Variants in BRAF observed in about 807,000 individuals in gnomAD.
The protein encoded by BRAF is serine/threonine-protein kinase B-raf.
BRAF carries 16 observed loss-of-function variants against 104.6 expected under a neutral mutation model. The observed-to-expected ratio is 0.15, with a 90% confidence interval of 0.10 to 0.23. The LOEUF is 0.23. BRAF is among the 10% of genes least tolerant of loss of function. BRAF has a pLI of 1.00. For synonymous variants in BRAF, 310 were observed against 341.6 expected, an observed-to-expected ratio of 0.91 and a Z score of 1.02; for missense variants, 541 against 937.3, an observed-to-expected ratio of 0.58 and a Z score of 5.52.
At chr7:140,716,374 G>A (rs561884191), downstream of BRAF, among the ~76,000 whole-genome samples, 4 of 152,166 alleles carry the variant, frequency 2.6e-5, no homozygotes, top group Non-Finnish European at 5.9e-5. Context: ...GAGTTAGTTA[G>A]GTAAAGCTCT....
intron 3 of BRAF, among the ~76,000 whole-genome samples, chr7:140,816,592 A>G (rs1468661215): frequency 6.6e-6 from 1 of 152,088 alleles, no homozygotes; most frequent in Non-Finnish European, 1.5e-5. Flanking sequence ...CCATTCCTGT[A>G]CCTTGGATAC....
At chr7:140,834,222 C>A in intron 3 of BRAF, 1 of 299,386 alleles carries the variant, frequency 3.3e-6, no homozygotes, top group Non-Finnish European at 6.2e-6. Flanking sequence ...ATCAATCACA[C>A]TGAACGTTCA....
chr7:140,894,035 G>A (rs753019203), intron 1 of BRAF, among the ~76,000 whole-genome samples: 5 of 152,100 alleles, frequency 3.3e-5, no homozygotes, highest in Non-Finnish European at 7.4e-5. Flanking sequence ...TTGAGAGGCC[G>A]AGATGGGAGG....
rs1796764800 is a variant in BRAF at position 140,739,900 on chromosome 7, T to C, written c.2159A>G (p.Lys720Arg). The stretch of plus-strand genomic sequence containing the variant: ...GGCTTTTGGACAGTTACTCCGTACC[T>C]TACTGAGATCTGGAGACAGGTATCC... ...GRGYLSPDLS[K>R]VRSNCPKAMK... is the part of the protein sequence containing the mutation. The change falls in exon 18 of 20, where the codon AAG becomes AGG. Residue 720 changes from lysine to arginine, a missense_variant. Lys to Arg is a conservative substitution (Grantham distance 26, BLOSUM62 2). Transcript: ENST00000644969. The C allele has an allele frequency of 1.9e-6, 3 of 1,613,672 alleles. No individual in the cohort carries two copies. In the African/African-American group the frequency reaches 4.0e-5, roughly 22 times the overall value.
chr7:140,773,111 G>A (rs1800006972), intron 14 of BRAF, among the ~76,000 whole-genome samples: 1 of 152,114 alleles, frequency 6.6e-6, no homozygotes, highest in South Asian at 2.1e-4. Flanking sequence ...TTGGAGGTGG[G>A]GTGAGGCAGG....
At chr7:140,863,077 T>C (rs1007006060) in intron 1 of BRAF, among the ~76,000 whole-genome samples, 1 of 152,136 alleles carries the variant, frequency 6.6e-6, no homozygotes, top group African/African-American at 2.4e-5. Context: ...TCTTTTGACC[T>C]AGCAATTCCA....
Position 140,725,174 on chromosome 7 carries a change from A to T in BRAF, c.*1320T>A. 2 of 1,042,872 alleles carry T rather than the reference A, an allele frequency of 1.9e-6. No individual in the cohort carries two copies. The highest frequency in any genetic ancestry group is 2.3e-6 in the Non-Finnish European group (2 of 865,086). 64.6% of individuals were successfully genotyped at this position (1,042,872 alleles called of 1,614,324 possible). On this transcript the variant is annotated 3_prime_UTR_variant, in exon 20 of 20. Coordinates refer to ENST00000644969, the MANE Select transcript of BRAF (RefSeq NM_001374258.1). Reference sequence around the variant, plus strand: ...CGCCACCATTTTTATTTTAGGTTGCATATTCTAGATAAAAGACTAGAAAGA... The same window carrying T: ...CGCCACCATTTTTATTTTAGGTTGCTTATTCTAGATAAAAGACTAGAAAGA...
rs759427443 is a variant in BRAF at position 140,719,450 on chromosome 7, T to A, written c.*7044A>T. The stretch of plus-strand genomic sequence containing the variant: ...TAAATAACTTTACACAGAAATAAAT[T>A]TCTTCAATCTGAATTTCAGCTATCT... On this transcript the variant is annotated 3_prime_UTR_variant, in exon 20 of 20. Transcript: ENST00000644969. 7 of 1,013,568 alleles carry A rather than the reference T, an allele frequency of 6.9e-6. No homozygotes were observed. The highest frequency in any genetic ancestry group is 8.3e-6 in the Non-Finnish European group (7 of 839,774). The allele number at this position is 1,013,568 out of a possible 1,614,324, so 62.8% of individuals were successfully genotyped here. A position where few individuals can be genotyped will look rare whatever the true frequency, so the allele number is the denominator to read the frequency against.
intron 3 of BRAF, among the ~76,000 whole-genome samples, chr7:140,831,575 CTTG>C (rs963383495): frequency 4.6e-5 from 7 of 152,120 alleles, no homozygotes; most frequent in Admixed American, 3.3e-4. Flanking sequence ...ACAGGATCCC[CTTG>C]TTGTACAACT....
chr7:140,733,586 T>A (rs1796149699), intron 19 of BRAF: 1 of 152,212 alleles, frequency 6.6e-6, no homozygotes, highest in Non-Finnish European at 1.5e-5. Flanking sequence ...AGAAGAGCAT[T>A]CATTCATCAT....
chr7:140,899,505 C>A (rs1815356716), intron 1 of BRAF, among the ~76,000 whole-genome samples: 1 of 152,196 alleles, frequency 6.6e-6, no homozygotes, highest in African/African-American at 2.4e-5. Context: ...GCCTCACCAA[C>A]ATTTAATATT....
Position 140,726,420 on chromosome 7 carries a change from A to G in BRAF, c.*74T>C. 6.5e-7 allele frequency: 1 copy of G among 1,529,072 alleles called. No homozygotes were observed. Among genetic ancestry groups the G allele is most frequent in the Non-Finnish European group, 8.7e-7 (1 of 1,144,930 alleles). 94.7% of individuals were successfully genotyped at this position (1,529,072 alleles called of 1,614,324 possible). A position where few individuals can be genotyped will look rare whatever the true frequency, so the allele number is the denominator to read the frequency against. On this transcript the variant is annotated 3_prime_UTR_variant, in exon 20 of 20. Transcript: ENST00000644969. Reference sequence around the variant, plus strand: ...TTTAAAAAAAGATTTGAGGAACAGAACTGTGTTTTGATGTTAACAAATTGT... The same window carrying G: ...TTTAAAAAAAGATTTGAGGAACAGAGCTGTGTTTTGATGTTAACAAATTGT...
chr7:140,871,837 G>T (rs1811628750), intron 1 of BRAF, among the ~76,000 whole-genome samples: 1 of 152,094 alleles, frequency 6.6e-6, no homozygotes, highest in African/African-American at 2.4e-5. Flanking sequence ...GCAGCTACTG[G>T]CTAATATACT....
At chr7:140,887,369 C>T (rs10251793) in intron 1 of BRAF, among the ~76,000 whole-genome samples, 45,658 of 152,070 alleles carry the variant, frequency 0.3, 10,950 homozygotes, top group African/African-American at 0.67. Flanking sequence ...GTAAAATGAA[C>T]ATTCATTCTC....
chr7:140,737,360 C>T (rs565452655), intron 18 of BRAF, among the ~76,000 whole-genome samples: 1 of 152,244 alleles, frequency 6.6e-6, no homozygotes, highest in South Asian at 2.1e-4. Context: ...TATTACCAAC[C>T]TGAGAGGCGA....
chr7:140,854,298 C>T (rs182737727), intron 1 of BRAF, among the ~76,000 whole-genome samples: 1 of 152,288 alleles, frequency 6.6e-6, no homozygotes, highest in East Asian at 1.9e-4. Context: ...TGTCTATTAG[C>T]TACTTTAAGA....
chr7:140,924,204 G>GGCC lies in BRAF; in HGVS notation c.138+359_138+361dup, dbSNP rs1487156934. Among the ~76,000 whole-genome samples the GGCC allele has an allele frequency of 2.0e-5, 3 of 152,124 alleles. No homozygotes were observed. Among genetic ancestry groups the GGCC allele is most frequent in the Non-Finnish European group, 4.4e-5 (3 of 68,016 alleles). The stretch of plus-strand genomic sequence containing the variant: ...AACTAACCTATATCCTCCACGTCGA[G>GGCC]GCCGCCGCCGCCCCCACCCCACAGA... On this transcript the variant is annotated intron_variant, in intron 1 of 19. Transcript: ENST00000644969. The surrounding 1 kb of genome is among the most constrained non-coding windows in gnomAD (Gnocchi z 4.2).
rs1258111302 is a variant in BRAF, at chr7:140,834,644, C to T, written c.469G>A (p.Val157Ile). 10 of 1,614,094 alleles carry T rather than the reference C, an allele frequency of 6.2e-6. No homozygotes were observed. Among genetic ancestry groups the T allele is most frequent in the Non-Finnish European group, 8.5e-6 (10 of 1,180,002 alleles). The stretch of plus-strand genomic sequence containing the variant: ...TGTTTGTTGGGCAGGAAGACTCTAA[C>T]GATAGGTTTTTGTGGTGACTTGGGG... ...SNPKSPQKPI[V>I]RVFLPNKQRT... Residue 157 changes from valine to isoleucine, a missense_variant, in exon 3 of 20, where the codon GTT (valine) becomes ATT (isoleucine). Val to Ile is a conservative substitution (Grantham distance 29). This residue lies in a region of BRAF where 86 missense variants were observed against 133.9 expected (regional missense o/e 0.64). Coordinates refer to ENST00000644969, the MANE Select transcript of BRAF (RefSeq NM_001374258.1).
At position 140,836,257 on chromosome 7, in the gene BRAF, T is replaced by C. The variant is rs1002746958; in HGVS notation, c.241-1385A>G. On this transcript the variant is annotated intron_variant, in intron 2 of 19. Coordinates refer to ENST00000644969, the MANE Select transcript of BRAF (RefSeq NM_001374258.1). ...AAGCTTTAGCAGCATCCCTGTTTTC[T>C]TAAAAAGGAAAGAAAGAAATTTAAA... The C allele has an allele frequency of 2.6e-5, 4 of 152,070 alleles. No homozygotes were observed. In the East Asian group the frequency reaches 7.7e-4, roughly 29 times the overall value. 9.4% of individuals were successfully genotyped at this position (152,070 alleles called of 1,614,324 possible).
Sources: allele counts gnomAD v4.1 joint callset (sites outside exome capture counted in the v4.1 genomes callset), GRCh38; gene constraint gnomAD v4.1.1; regional missense constraint gnomAD v4.1.1; non-coding constraint Gnocchi (gnomAD v3.1); transcripts MANE v1.5; gene names NCBI Gene and HGNC (gene_info 2026-07-23, HGNC 2026-07-21).